Variants in DNAH1 observed in about 807,000 individuals in gnomAD.
DNAH1 encodes dynein axonemal heavy chain 1, also known as axonemal beta dynein heavy chain 1.
In DNAH1, 327 loss-of-function variants were observed where a neutral mutation model predicts 484.3. The observed-to-expected ratio is 0.68, with a 90% CI of 0.62 to 0.74. The LOEUF (loss-of-function observed/expected upper bound fraction) is 0.74. Ranked by LOEUF, DNAH1 falls within the 30% of genes least tolerant of loss-of-function variation. DNAH1 has a pLI of 0.00. For missense variants in DNAH1, 5,052 were observed against 5,546.8 expected (o/e 0.91, Z 2.83); for synonymous variants, 2,192 against 2,191.9 (o/e 1.00, Z 0.00).
intron 46 of DNAH1, among the ~76,000 whole-genome samples, chr3:52,376,333 C>T (rs1421684768): frequency 6.6e-6 from 1 of 152,192 alleles, no homozygotes; most frequent in Non-Finnish European, 1.5e-5. Flanking sequence ...ACAGGAAAGC[C>T]GGGAGTGGTT....
intron 55 of DNAH1, 105 bp from the exon 56 acceptor site, chr3:52,386,557 G>A (rs1217720818): frequency 1.5e-6 from 2 of 1,340,138 alleles, no homozygotes; most frequent in Non-Finnish European, 2.0e-6. Flanking sequence ...CCCGTGTCCT[G>A]TGGTAGTAGA....
At position 52,370,731 on chromosome 3, in the gene DNAH1, T is replaced by C; in HGVS notation, c.6431T>C (p.Phe2144Ser). Residue 2144 changes from phenylalanine to serine, a missense_variant, in exon 41 of 78, where the codon TTC (phenylalanine) becomes TCC (serine). Phe to Ser is a radical substitution (Grantham distance 155). This residue lies in a region of DNAH1 where 2,929 missense variants were observed against 3,409.4 expected (regional missense o/e 0.86). Transcript: ENST00000420323. ...KMENEQLTLL[F>S]PEEGLVFDYR... ...GGTTCCCGGCAGCTGACTCTGCTTT[T>C]CCCAGAAGAGGGGCTGGTGTTCGAT... is the stretch of plus-strand genomic sequence containing the variant. 6.2e-7 allele frequency: 1 copy of C among 1,603,720 alleles called. No individual in the cohort carries two copies. Among genetic ancestry groups the C allele is most frequent in the Non-Finnish European group, 8.5e-7 (1 of 1,175,502 alleles).
chr3:52,362,585 A>G lies in DNAH1; in HGVS notation c.5094+84A>G. 1 of 1,234,506 alleles carries G rather than the reference A, an allele frequency of 8.1e-7. No homozygotes were observed. Among genetic ancestry groups the G allele is most frequent in the Non-Finnish European group, 1.2e-6 (1 of 868,778 alleles). 76.5% of individuals were successfully genotyped at this position (1,234,506 alleles called of 1,614,324 possible). On this transcript the variant is annotated intron_variant, in intron 31 of 77. Coordinates refer to ENST00000420323, the MANE Select transcript of DNAH1 (RefSeq NM_015512.5). This position sits in a 1 kb window ranked among gnomAD's most constrained non-coding sequence, Gnocchi z 5.1. Reference sequence around the variant, plus strand: ...TGCTAAGCCACTTATGCAAGGACACAGTTGCTTGGACTCCAGGGACTGTGA... The same window carrying G: ...TGCTAAGCCACTTATGCAAGGACACGGTTGCTTGGACTCCAGGGACTGTGA...
Position 52,387,996 on chromosome 3 carries a change from T to G in DNAH1, c.9004-171T>G, listed in dbSNP as rs570294388. ...AAATCCTGGGGACCAAAGATTACCT[T>G]CTGGCCAGCCTTTCTGGGCTATGTT... On this transcript the variant is annotated intron_variant, in intron 56 of 77. Coordinates refer to ENST00000420323, the MANE Select transcript of DNAH1 (RefSeq NM_015512.5). Among the ~76,000 whole-genome samples, 3 of 152,284 alleles carry G rather than the reference T, an allele frequency of 2.0e-5. No individual in the cohort carries two copies. In the East Asian group the frequency reaches 5.8e-4, roughly 29 times the overall value.
At chr3:52,397,134 A>C in intron 73 of DNAH1, 90 bp downstream of exon 73, 2 of 1,187,640 alleles carry the variant, frequency 1.7e-6, no homozygotes, top group Non-Finnish European at 2.3e-6. Context: ...GTGGGAGGAG[A>C]TGCAGCCCCC....
chr3:52,391,216 A>G lies in DNAH1; in HGVS notation c.9779A>G (p.Asp3260Gly). The stretch of plus-strand genomic sequence containing the variant: ...GGGCTGGATGTGTTCAAGTTGAGTG[A>G]CCGCGACTTCCTGCGCAGCATGGAG... ...DNGLDVFKLS[D>G]RDFLRSMENA... is the part of the protein sequence containing the mutation. The change falls in exon 62 of 78, where the codon GAC becomes GGC. Residue 3260 changes from aspartate (D) to glycine (G), a missense_variant. Transcript: ENST00000420323. 6.2e-7 allele frequency: 1 copy of G among 1,613,912 alleles called. No homozygotes were observed. Among genetic ancestry groups the G allele is most frequent in the South Asian group, 1.1e-5 (1 of 91,046 alleles).
chr3:52,360,238 C>A, intron 27 of DNAH1, 73 bp from the exon 28 acceptor site: 1 of 1,511,462 alleles, frequency 6.6e-7, no homozygotes. Flanking sequence ...AAAGAACCCT[C>A]TCTCCTTGAC....
chr3:52,318,694 G>C (rs1413193743), intron 1 of DNAH1, among the ~76,000 whole-genome samples: 1 of 152,240 alleles, frequency 6.6e-6, no homozygotes, highest in African/African-American at 2.4e-5. Flanking sequence ...GTAATACAGG[G>C]AGAGGTACAC....
chr3:52,314,829 C>T (rs1369617835), upstream of DNAH1, among the ~76,000 whole-genome samples: 2 of 152,038 alleles, frequency 1.3e-5, no homozygotes, highest in Non-Finnish European at 2.9e-5. Context: ...GAAGAGGCTC[C>T]GGCAGGGAGG....
In DNAH1 at chr3:52,361,629, T is replaced by G; in HGVS notation, c.4875-32T>G. The stretch of plus-strand genomic sequence containing the variant: ...GTGCCCAGATTGGGCTCTGAACACA[T>G]GTGCCCCATCCAATGTTCCGGCCTC... On this transcript the variant is annotated intron_variant, in intron 29 of 77. Transcript: ENST00000420323. This position sits in a 1 kb window ranked among gnomAD's most constrained non-coding sequence, Gnocchi z 5.6. 1.3e-6 allele frequency: 2 copies of G among 1,569,946 alleles called. No individual in the cohort carries two copies. Among genetic ancestry groups the G allele is most frequent in the African/African-American group, 1.4e-5 (1 of 74,000 alleles).
Position 52,360,418 on chromosome 3 carries a change from C to T in DNAH1, c.4679C>T (p.Thr1560Ile), listed in dbSNP as rs1702806264. 2 of 1,613,040 alleles carry T rather than the reference C, an allele frequency of 1.2e-6. No homozygotes were observed. The highest frequency in any genetic ancestry group is 2.7e-5 in the African/African-American group (2 of 74,916). The change falls in exon 28 of 78, where the codon ACC (threonine) becomes ATC (isoleucine). Residue 1560 changes from threonine (T) to isoleucine (I), a missense_variant. Physicochemically the swap from Thr to Ile is moderately conservative, Grantham distance 89. Coordinates refer to ENST00000420323, the MANE Select transcript of DNAH1 (RefSeq NM_015512.5). Reference protein sequence around the residue: ...NSGRLVITPLTDRCYLTLTGA... With the variant: ...NSGRLVITPLIDRCYLTLTGA... ...GGGAGGCTGGTGATCACGCCCCTCA[C>T]CGACAGGTAAGCGTTCCCCTCTTGC... is the stretch of plus-strand genomic sequence containing the variant.
chr3:52,396,619 T>A lies in DNAH1; in HGVS notation c.11432T>A (p.Val3811Glu). Residue 3811 changes from valine to glutamate, a missense_variant and splice_region_variant, in exon 72 of 78, where the codon GTG becomes GAG. Val to Glu is a moderately radical substitution (Grantham distance 121). Around this residue, in one of 4 missense-constraint regions of DNAH1, gnomAD observed 853 missense variants for 899.0 expected, o/e 0.95. Coordinates refer to ENST00000420323, the MANE Select transcript of DNAH1 (RefSeq NM_015512.5). ...TCCCCTGCCTCCCACCTCCCCCAGG[T>A]GATGGAGTTCAAGTCTCTGCTGCTG... is the stretch of plus-strand genomic sequence containing the variant. ...GEDFLNSCHK[V>E]MEFKSLLLSL... 1 of 1,610,608 alleles carries A rather than the reference T, an allele frequency of 6.2e-7. No individual in the cohort carries two copies. Among genetic ancestry groups the A allele is most frequent in the Non-Finnish European group, 8.5e-7 (1 of 1,177,674 alleles).
intron 1 of DNAH1, among the ~76,000 whole-genome samples, chr3:52,318,324 G>A (rs1196582632): frequency 6.6e-6 from 1 of 152,230 alleles, no homozygotes; most frequent in Non-Finnish European, 1.5e-5. Context: ...TGGATTACAG[G>A]CGTGAGCCAC....
At chr3:52,340,244 G>C (rs1010168328) in intron 8 of DNAH1, among the ~76,000 whole-genome samples, 2 of 150,416 alleles carry the variant, frequency 1.3e-5, no homozygotes, top group African/African-American at 4.9e-5. Context: ...CACCACACCC[G>C]CTATTTTTTT....
Position 52,370,593 on chromosome 3 carries a change from C to T in DNAH1, c.6375C>T (p.Thr2125=). ...VGATGDSSGR[T]SFSHWLRLKM... ...CCACTGGGGACAGCAGTGGCCGCAC[C>T]AGTTTCAGCCACTGGCTAAGGCTCA... The change falls in exon 40 of 78, where the codon ACC becomes ACT. Residue 2125 remains threonine, a synonymous_variant. Coordinates refer to ENST00000420323, the MANE Select transcript of DNAH1 (RefSeq NM_015512.5). The T allele has an allele frequency of 6.2e-7, 1 of 1,613,056 alleles. No individual in the cohort carries two copies. Among genetic ancestry groups the T allele is most frequent in the Non-Finnish European group, 8.5e-7 (1 of 1,179,512 alleles).
Position 52,357,900 on chromosome 3 carries a change from TCTA to T in DNAH1, c.3986_3988del (p.Tyr1329del). On this transcript the variant is annotated inframe_deletion, in exon 24 of 78. Transcript: ENST00000420323. ...CCTCACCCCTGTTCCCCTGGCAGAT[TCTA>T]CTTCCTGTCAGATGATGAACTACTA... is the stretch of plus-strand genomic sequence containing the variant. 6.2e-7 allele frequency: 1 copy of T among 1,612,556 alleles called. No homozygotes were observed. The highest frequency in any genetic ancestry group is 8.5e-7 in the Non-Finnish European group (1 of 1,179,444).
At chr3:52,331,828 G>A (rs565732067) in intron 7 of DNAH1, among the ~76,000 whole-genome samples, 5 of 151,968 alleles carry the variant, frequency 3.3e-5, no homozygotes, top group South Asian at 4.2e-4. Context: ...GTTTTACCAC[G>A]GTGGCCAGGT....
intron 66 of DNAH1, among the ~76,000 whole-genome samples, chr3:52,393,715 C>G (rs189262539): frequency 6.6e-6 from 1 of 152,138 alleles, no homozygotes; most frequent in Middle Eastern, 3.2e-3. Context: ...GCCAGGAGTT[C>G]AAGACCACCC....
intron 10 of DNAH1, 88 bp downstream of exon 10, chr3:52,345,794 G>C: frequency 1.5e-6 from 2 of 1,337,788 alleles, no homozygotes; most frequent in Non-Finnish European, 2.1e-6. Context: ...CGGAAGGCCA[G>C]GGTCAGTGGG....
Sources: gnomAD v4.1 joint callset for allele counts (sites outside exome capture counted in the v4.1 genomes callset) on GRCh38, gnomAD v4.1.1 for gene constraint, gnomAD v4.1.1 regional missense constraint, Gnocchi (gnomAD v3.1) non-coding constraint, MANE v1.5 for transcripts, NCBI Gene and HGNC (gene_info 2026-07-23, HGNC 2026-07-21) for gene names.